LSAMP: variants seen among roughly 807,000 people sequenced by gnomAD.
LSAMP encodes limbic system-associated membrane protein.
A neutral mutation model predicts 38.6 loss-of-function variants in LSAMP; 7 were observed. The ratio of observed to expected loss-of-function variants is 0.18; its 90% CI spans 0.10 to 0.34. LSAMP has a LOEUF of 0.34. LSAMP is among the 10% of genes least tolerant of loss of function. LSAMP has a pLI of 1.00. For synonymous variants in LSAMP, 154 were observed against 166.8 expected (o/e 0.92, Z 0.59); for missense variants, 313 against 420.0 (o/e 0.75, Z 2.23).
At chr3:115,816,385 C>T (rs1171196640) in intron 6 of LSAMP, among the ~76,000 whole-genome samples, 1 of 152,052 alleles carries the variant, frequency 6.6e-6, no homozygotes, top group Non-Finnish European at 1.5e-5. Context: ...TGCTGTGTTC[C>T]AGGGATTTAA....
intron 1 of LSAMP, among the ~76,000 whole-genome samples, chr3:116,432,767 A>C (rs958355773): frequency 6.6e-6 from 1 of 152,120 alleles, no homozygotes; most frequent in African/African-American, 2.4e-5. Context: ...CTAAAGGCTA[A>C]ATTTTTTCAT....
In LSAMP at chr3:116,103,551, T is replaced by C. The variant is rs574712395; in HGVS notation, c.156-16995A>G. ...GTTCTTTCTGTGTCACTTCCTCTCA[T>C]TCCATCTTTTTTTTTTTTTTTTGGC... On this transcript the variant is annotated intron_variant, in intron 1 of 6. Coordinates refer to ENST00000490035, the MANE Select transcript of LSAMP (RefSeq NM_002338.5). 1.1e-4 allele frequency among the ~76,000 whole-genome samples: 16 copies of C among 144,852 alleles called. No homozygotes were observed. The East Asian group carries it at 2.9e-3, about 26-fold the overall frequency.
At chr3:116,405,130 G>T (rs2107831351) in intron 1 of LSAMP, among the ~76,000 whole-genome samples, 1 of 152,200 alleles carries the variant, frequency 6.6e-6, no homozygotes, top group Non-Finnish European at 1.5e-5. Context: ...AGCTTGAAAA[G>T]ATTCAAAAGA....
At chr3:116,429,391 T>A (rs1411796859) in intron 1 of LSAMP, among the ~76,000 whole-genome samples, 2 of 152,216 alleles carry the variant, frequency 1.3e-5, no homozygotes, top group African/African-American at 4.8e-5. Context: ...AATTGACAGA[T>A]GACTGCCATT....
At chr3:115,926,872 C>A (rs2107531952) in intron 3 of LSAMP, among the ~76,000 whole-genome samples, 1 of 152,282 alleles carries the variant, frequency 6.6e-6, no homozygotes, top group South Asian at 2.1e-4. Context: ...TTTTTGTACT[C>A]ATTCTTTATC....
At chr3:116,187,771 T>C (rs193246794) in intron 1 of LSAMP, among the ~76,000 whole-genome samples, 4 of 152,274 alleles carry the variant, frequency 2.6e-5, no homozygotes, top group Middle Eastern at 3.4e-3. Flanking sequence ...ACAGAAGGGA[T>C]AATCTTCCCT....
At chr3:116,342,475 A>T (rs1351657861) in intron 1 of LSAMP, among the ~76,000 whole-genome samples, 2 of 152,102 alleles carry the variant, frequency 1.3e-5, no homozygotes, top group African/African-American at 4.8e-5. Flanking sequence ...CATTTCTCAA[A>T]TGTATGAACA....
intron 1 of LSAMP, among the ~76,000 whole-genome samples, chr3:116,393,393 C>A (rs1018300236): frequency 6.6e-6 from 1 of 152,182 alleles, no homozygotes; most frequent in Admixed American, 6.5e-5. Flanking sequence ...AGAACCAGTG[C>A]CCGTTATGGC....
At chr3:115,924,139 AGTTT>A (rs1220043741) in intron 3 of LSAMP, among the ~76,000 whole-genome samples, 1 of 152,076 alleles carries the variant, frequency 6.6e-6, no homozygotes, top group Non-Finnish European at 1.5e-5. Flanking sequence ...TGAATTTTTT[AGTTT>A]GTTTGTTTTT....
chr3:116,420,057 T>C (rs549084491), intron 1 of LSAMP, among the ~76,000 whole-genome samples: 2 of 152,278 alleles, frequency 1.3e-5, no homozygotes, highest in East Asian at 1.9e-4. Context: ...TATAGCTACC[T>C]GTGCCTAGCA....
At chr3:116,190,749 T>C (rs1017669670) in intron 1 of LSAMP, among the ~76,000 whole-genome samples, 15 of 152,184 alleles carry the variant, frequency 9.9e-5, no homozygotes, top group African/African-American at 3.6e-4. Context: ...CAGTTGGTGC[T>C]AGACAATGGA....
chr3:116,145,691 T>G (rs1450852200), intron 1 of LSAMP, among the ~76,000 whole-genome samples: 1 of 151,972 alleles, frequency 6.6e-6, no homozygotes, highest in Non-Finnish European at 1.5e-5. Context: ...AAATTAACCA[T>G]CATACATTGT....
At chr3:115,861,650 C>A (rs925411704) in intron 3 of LSAMP, among the ~76,000 whole-genome samples, 1 of 152,158 alleles carries the variant, frequency 6.6e-6, no homozygotes, top group Non-Finnish European at 1.5e-5. Flanking sequence ...AAGCTAATGA[C>A]TTCCTAAGTG....
rs548209224 is a variant in LSAMP at position 116,287,619 on chromosome 3, AC to A, written c.155+157257del. On this transcript the variant is annotated intron_variant, in intron 1 of 6. Transcript: ENST00000490035. ...AAAGCAAACTCCACTAGAAGAATAA[AC>A]CTGAAAAAGATAAATGTAGAAAAGG... is the stretch of plus-strand genomic sequence containing the variant. Among the ~76,000 whole-genome samples, 24 of 152,326 alleles carry A rather than the reference AC, an allele frequency of 1.6e-4. No homozygotes were observed. The East Asian group carries it at 4.4e-3, about 28-fold the overall frequency.
At chr3:116,300,145 G>A (rs1175077480) in intron 1 of LSAMP, among the ~76,000 whole-genome samples, 1 of 152,110 alleles carries the variant, frequency 6.6e-6, no homozygotes, top group Non-Finnish European at 1.5e-5. Flanking sequence ...AGCTCCATGA[G>A]GGAACACGGT....
At chr3:116,395,707 C>A (rs1271752397) in intron 1 of LSAMP, among the ~76,000 whole-genome samples, 1 of 152,128 alleles carries the variant, frequency 6.6e-6, no homozygotes, top group African/African-American at 2.4e-5. Context: ...GCAAGTAAAG[C>A]CACTTCATGG....
intron 1 of LSAMP, among the ~76,000 whole-genome samples, chr3:116,222,281 C>T (rs546769591): frequency 6.7e-6 from 1 of 148,236 alleles, no homozygotes; most frequent in African/African-American, 2.5e-5. Context: ...AAAAAAAAAA[C>T]CAAATCAATT....
At chr3:116,060,976 C>T (rs1461208818) in intron 2 of LSAMP, among the ~76,000 whole-genome samples, 1 of 151,800 alleles carries the variant, frequency 6.6e-6, no homozygotes, top group East Asian at 1.9e-4. Context: ...TTGCAGTTTA[C>T]TTTCTAGTAG....
At chr3:116,080,964 A>G (rs1188291773) in intron 2 of LSAMP, among the ~76,000 whole-genome samples, 3 of 152,222 alleles carry the variant, frequency 2.0e-5, no homozygotes, top group Non-Finnish European at 4.4e-5. Context: ...GTTTATTAAG[A>G]AAGGGAAGGA....
Sources: gnomAD v4.1 joint callset for allele counts (sites outside exome capture counted in the v4.1 genomes callset) on GRCh38, gnomAD v4.1.1 for gene constraint, MANE v1.5 for transcripts, NCBI Gene and HGNC (gene_info 2026-07-23, HGNC 2026-07-21) for gene names.